CTIF: variants seen among roughly 807,000 people sequenced by gnomAD.
CTIF encodes the protein cap binding complex dependent translation initiation factor, also known as CBP80/20-dependent translation initiation factor.
CTIF carries 21 observed loss-of-function variants against 66.0 expected under a neutral mutation model. The ratio of observed to expected loss-of-function variants is 0.32; its 90% CI spans 0.23 to 0.46. CTIF has a LOEUF of 0.46. Ranked by LOEUF, CTIF falls within the 20% of genes least tolerant of loss-of-function variation. The pLI is 1.00. For synonymous variants in CTIF, 345 were observed against 326.4 expected (o/e 1.06, Z -0.62); for missense variants, 739 against 812.7 (o/e 0.91, Z 1.10).
intron 6 of CTIF, among the ~76,000 whole-genome samples, chr18:48,680,415 G>T (rs1334293120): frequency 6.6e-6 from 1 of 152,270 alleles, no homozygotes; most frequent in Admixed American, 6.5e-5. Flanking sequence ...GCTGGGCCAA[G>T]GCCATCACAC....
chr18:48,819,088 C>G (rs1424029834), intron 10 of CTIF, among the ~76,000 whole-genome samples: 6 of 152,204 alleles, frequency 3.9e-5, no homozygotes, highest in Non-Finnish European at 8.8e-5. Flanking sequence ...GCACACAGTT[C>G]TCTCTCGGGT....
At chr18:48,740,389 C>T (rs1234969243) in intron 7 of CTIF, among the ~76,000 whole-genome samples, 3 of 152,240 alleles carry the variant, frequency 2.0e-5, no homozygotes, top group African/African-American at 4.8e-5. Flanking sequence ...TTTCCAGAAC[C>T]TCTTCCTGCA....
chr18:48,722,686 A>G (rs967375816), intron 7 of CTIF, among the ~76,000 whole-genome samples: 2 of 151,506 alleles, frequency 1.3e-5, no homozygotes, highest in South Asian at 2.1e-4. Context: ...AGGTGTAAGC[A>G]CCCAGCCGTA....
intron 9 of CTIF, among the ~76,000 whole-genome samples, chr18:48,806,594 T>C (rs2068152599): frequency 6.6e-6 from 1 of 152,116 alleles, no homozygotes; most frequent in Non-Finnish European, 1.5e-5. Context: ...GTGTAAAAAA[T>C]ATATGCATCA....
Position 48,619,743 on chromosome 18 carries a change from C to A in CTIF, c.178C>A (p.Gln60Lys). ...CGAGAGGACCCAGTCCCACATCTCC[C>A]AGGTGAGCGCGGGCCCGGGGTTGGG... ...ESERTQSHISQWTADCSEPLD... is the reference protein window; with the variant it reads ...ESERTQSHISKWTADCSEPLD... The change falls in exon 2 of 12, where the codon CAG (glutamine) becomes AAG (lysine). Residue 60 changes from glutamine to lysine, a missense_variant and splice_region_variant. By Grantham distance (53) the Gln-to-Lys change is moderately conservative. Transcript: ENST00000256413. The A allele has an allele frequency of 6.3e-7, 1 of 1,584,450 alleles. No individual in the cohort carries two copies. Among genetic ancestry groups the A allele is most frequent in the East Asian group, 2.3e-5 (1 of 43,618 alleles).
chr18:48,683,406 C>T (rs1354710827), intron 6 of CTIF, among the ~76,000 whole-genome samples: 1 of 149,616 alleles, frequency 6.7e-6, no homozygotes, highest in East Asian at 2.1e-4. Context: ...GGTCTCACTT[C>T]GAGCAGGGGG....
At chr18:48,610,615 G>A (rs182607034) in intron 1 of CTIF, among the ~76,000 whole-genome samples, 81 of 152,308 alleles carry the variant, frequency 5.3e-4, no homozygotes, top group Non-Finnish European at 9.1e-4. Flanking sequence ...CAGGGCCTCC[G>A]ATCTCAGCCC....
intron 9 of CTIF, among the ~76,000 whole-genome samples, chr18:48,767,656 AG>A (rs1909704614): frequency 6.6e-6 from 1 of 152,188 alleles, no homozygotes; most frequent in African/African-American, 2.4e-5. Context: ...TAAACACAGC[AG>A]GCCTGTTGTG....
chr18:48,709,835 G>C (rs1174440954), intron 6 of CTIF, among the ~76,000 whole-genome samples: 1 of 152,264 alleles, frequency 6.6e-6, no homozygotes, highest in South Asian at 2.1e-4. Flanking sequence ...TATTGTGGCT[G>C]CCTGGAGCCC....
chr18:48,623,920 A>G (rs1440686620), intron 2 of CTIF, among the ~76,000 whole-genome samples: 3 of 151,702 alleles, frequency 2.0e-5, no homozygotes, highest in African/African-American at 7.3e-5. Context: ...TAGATAATAC[A>G]TAGATAATAG....
At chr18:48,642,491 A>C (rs549202512) in intron 3 of CTIF, among the ~76,000 whole-genome samples, 1 of 152,340 alleles carries the variant, frequency 6.6e-6, no homozygotes, top group African/African-American at 2.4e-5. Context: ...AGTAATAGTT[A>C]GGAGGCAGCA....
At chr18:48,720,645 C>G (rs1034493179) in intron 7 of CTIF, among the ~76,000 whole-genome samples, 12 of 152,160 alleles carry the variant, frequency 7.9e-5, no homozygotes, top group Non-Finnish European at 1.5e-4. Context: ...ACGCCCACCC[C>G]CAAGCAGGCT....
chr18:48,720,778 C>T lies in CTIF; in HGVS notation c.584+9083C>T, dbSNP rs1049175181. Among the ~76,000 whole-genome samples, 6 of 152,240 alleles carry T rather than the reference C, an allele frequency of 3.9e-5. No individual in the cohort carries two copies. The East Asian group carries it at 9.7e-4, about 25-fold the overall frequency. On this transcript the variant is annotated intron_variant, in intron 7 of 11. Transcript: ENST00000256413. ...CGCTTTGTACAAATCATGATGGTCC[C>T]AATAATCCTTTGCACAGTGCAGCTG...
At chr18:48,688,827 C>T (rs1325645542) in intron 6 of CTIF, among the ~76,000 whole-genome samples, 1 of 152,250 alleles carries the variant, frequency 6.6e-6, no homozygotes. Context: ...TTTGAAAAGG[C>T]TTCATCACTA....
Position 48,810,110 on chromosome 18 carries a change from G to C in CTIF, c.1372-7111G>C, listed in dbSNP as rs1041656269. Among the ~76,000 whole-genome samples, 10 of 151,884 alleles carry C rather than the reference G, an allele frequency of 6.6e-5. No homozygotes were observed. The East Asian group carries it at 1.9e-3, about 29-fold the overall frequency. ...ATAATATGTGTTATAAAATTTCATA[G>C]GTAGGTAATATTTTTAAAATATGAG... On this transcript the variant is annotated intron_variant, in intron 9 of 11. Coordinates refer to ENST00000256413, the MANE Select transcript of CTIF (RefSeq NM_014772.3).
At chr18:48,767,038 G>A (rs1165640936) in intron 9 of CTIF, among the ~76,000 whole-genome samples, 1 of 152,164 alleles carries the variant, frequency 6.6e-6, no homozygotes, top group African/African-American at 2.4e-5. Context: ...GCCACACTTC[G>A]CAGTTCAGCC....
At chr18:48,725,131 G>A (rs1361969731) in intron 7 of CTIF, among the ~76,000 whole-genome samples, 1 of 152,214 alleles carries the variant, frequency 6.6e-6, no homozygotes, top group Non-Finnish European at 1.5e-5. Context: ...TTCCAGACTG[G>A]CTCTGCATGT....
intron 10 of CTIF, among the ~76,000 whole-genome samples, chr18:48,832,779 A>G (rs1189614699): frequency 6.6e-6 from 1 of 152,240 alleles, no homozygotes; most frequent in Non-Finnish European, 1.5e-5. Context: ...AAACGCAAAC[A>G]CACTTGTGGA....
At chr18:48,730,021 A>AG (rs371655058) in intron 7 of CTIF, among the ~76,000 whole-genome samples, 47 of 152,332 alleles carry the variant, frequency 3.1e-4, no homozygotes, top group African/African-American at 1.1e-3. Flanking sequence ...AAGTAATAGT[A>AG]GCCGGCTTTG....
Sources: allele counts gnomAD v4.1 joint callset (sites outside exome capture counted in the v4.1 genomes callset), GRCh38; gene constraint gnomAD v4.1.1; transcripts MANE v1.5; gene names NCBI Gene and HGNC (gene_info 2026-07-23, HGNC 2026-07-21).